The following ADAM12 variants were observed in gnomAD, a reference collection of about 807,000 sequenced individuals.
ADAM12 encodes ADAM metallopeptidase domain 12, also known as disintegrin and metalloproteinase domain-containing protein 12.
Under a neutral mutation model 106.4 loss-of-function variants are expected in ADAM12, and 70 were observed. The observed-to-expected ratio is 0.66, with a 90% CI of 0.54 to 0.80. ADAM12 has a LOEUF of 0.80. Among genes scored for constraint, ADAM12 ranks in the 30% least tolerant of loss-of-function variants. ADAM12 has a pLI of 0.00. For missense variants in ADAM12, 1,010 were observed against 1,171.9 expected (o/e 0.86, Z 2.02); for synonymous variants, 420 against 433.5 (o/e 0.97, Z 0.39).
intron 1 of ADAM12, among the ~76,000 whole-genome samples, chr10:126,368,050 T>G (rs1346438979): frequency 6.6e-6 from 1 of 151,930 alleles, no homozygotes; most frequent in Non-Finnish European, 1.5e-5. Flanking sequence ...TGTCTCTATA[T>G]GTACATAAAT....
chr10:126,012,996 G>A lies in ADAM12; in HGVS notation c.*4283C>T, dbSNP rs1319521534. On this transcript the variant is annotated 3_prime_UTR_variant, in exon 23 of 23. Transcript: ENST00000448723. Reference sequence around the variant, plus strand: ...AGAGAAACTGCTTTTTGAAGATGATGTGGAAGGTCAGGGTGGGTTACAGGG... The same window carrying A: ...AGAGAAACTGCTTTTTGAAGATGATATGGAAGGTCAGGGTGGGTTACAGGG... The A allele has an allele frequency of 1.3e-5, 2 of 152,220 alleles. No homozygotes were observed. Among genetic ancestry groups the A allele is most frequent in the East Asian group, 3.8e-4 (2 of 5,198 alleles). 9.4% of individuals were successfully genotyped at this position (152,220 alleles called of 1,614,324 possible). A position where few individuals can be genotyped will look rare whatever the true frequency, so the allele number is the denominator to read the frequency against.
chr10:126,163,576 C>T (rs1956974183), intron 3 of ADAM12, among the ~76,000 whole-genome samples: 1 of 146,744 alleles, frequency 6.8e-6, no homozygotes, highest in Non-Finnish European at 1.5e-5. Context: ...CCAACTTTAA[C>T]TTTACCCTTA....
chr10:126,283,730 T>C (rs928160535), intron 2 of ADAM12, among the ~76,000 whole-genome samples: 3 of 152,242 alleles, frequency 2.0e-5, no homozygotes, highest in Non-Finnish European at 2.9e-5. Context: ...CTCTGTTTAA[T>C]GTGTGACAAA....
At position 126,014,592 on chromosome 10, in the gene ADAM12, C is replaced by T. The variant is rs1406768732; in HGVS notation, c.*2687G>A. ...AATGGAGAATGTTAGGCTTCGTTTC[C>T]CTCGGTTGCTACACATCTGATTACA... On this transcript the variant is annotated 3_prime_UTR_variant, in exon 23 of 23. Transcript: ENST00000448723. The T allele has an allele frequency of 6.6e-6, 1 of 151,976 alleles. No individual in the cohort carries two copies. Among genetic ancestry groups the T allele is most frequent in the African/African-American group, 2.4e-5 (1 of 41,354 alleles). The allele number at this position is 151,976 out of a possible 1,614,324, so 9.4% of individuals were successfully genotyped here.
chr10:126,317,574 C>T (rs540209289), intron 2 of ADAM12, among the ~76,000 whole-genome samples: 1 of 152,044 alleles, frequency 6.6e-6, no homozygotes, highest in Admixed American at 6.6e-5. Context: ...AATACCAGAG[C>T]TAGGTCAAAT....
At chr10:126,275,866 TAATAC>T (rs1438420507) in intron 3 of ADAM12, among the ~76,000 whole-genome samples, 3 of 152,160 alleles carry the variant, frequency 2.0e-5, no homozygotes, top group African/African-American at 4.8e-5. Context: ...TGCGAAACAT[TAATAC>T]AATAAAGAAA....
At chr10:126,110,959 A>G (rs1277977677) in intron 6 of ADAM12, among the ~76,000 whole-genome samples, 3 of 152,220 alleles carry the variant, frequency 2.0e-5, no homozygotes, top group African/African-American at 7.2e-5. Flanking sequence ...CTTGCATGTT[A>G]TAACCACTCT....
At chr10:126,344,788 G>A (rs1288128638) in intron 1 of ADAM12, among the ~76,000 whole-genome samples, 1 of 152,066 alleles carries the variant, frequency 6.6e-6, no homozygotes, top group African/African-American at 2.4e-5. Flanking sequence ...TGAAGCAATT[G>A]TGAATGGGAG....
At chr10:126,279,266 TA>T (rs1028856574) in intron 2 of ADAM12, among the ~76,000 whole-genome samples, 3 of 142,622 alleles carry the variant, frequency 2.1e-5, no homozygotes, top group Non-Finnish European at 3.0e-5. Flanking sequence ...AAAGTAAAAA[TA>T]AAAAAAATCA....
intron 9 of ADAM12, among the ~76,000 whole-genome samples, chr10:126,099,805 A>G (rs1955625906): frequency 6.6e-6 from 1 of 152,214 alleles, no homozygotes; most frequent in African/African-American, 2.4e-5. Context: ...ACTTTCCACA[A>G]ATGTTCAATA....
chr10:126,185,910 T>C (rs187300655), intron 3 of ADAM12, among the ~76,000 whole-genome samples: 1 of 152,304 alleles, frequency 6.6e-6, no homozygotes, highest in African/African-American at 2.4e-5. Flanking sequence ...GCCAGGGAAA[T>C]GAACTAGATG....
rs67514376 is a variant in ADAM12, at chr10:126,311,094, T to TACACACACACAC, written c.186+19306_186+19317dup. 6.8e-3 allele frequency among the ~76,000 whole-genome samples: 939 copies of TACACACACACAC among 138,534 alleles called. 6 individuals carry two copies. The highest frequency in any genetic ancestry group is 0.011 in the Non-Finnish European group (692 of 63,990). The allele number at this position is 138,534 out of a possible 152,430, so 90.9% of individuals were successfully genotyped here. ...CTTCCTCATTATACATACACACAAATACACACACACACACACACACACACA... is the reference window on the plus strand; with the variant it reads ...CTTCCTCATTATACATACACACAAATACACACACACACACACACACACACACACACACACACA... On this transcript the variant is annotated intron_variant, in intron 2 of 22. Coordinates refer to ENST00000448723, the MANE Select transcript of ADAM12 (RefSeq NM_001288973.2).
intron 3 of ADAM12, among the ~76,000 whole-genome samples, chr10:126,170,554 C>A (rs1197463967): frequency 6.6e-6 from 1 of 152,078 alleles, no homozygotes; most frequent in Non-Finnish European, 1.5e-5. Flanking sequence ...ATCCCCTAGG[C>A]TGAGTCAGGA....
At chr10:126,093,860 T>A in intron 11 of ADAM12, 125 bp downstream of exon 11, 2 of 1,439,718 alleles carry the variant, frequency 1.4e-6, no homozygotes, top group Non-Finnish European at 1.9e-6. Flanking sequence ...TGGGAAGGAA[T>A]TACTTTTTGG....
intron 1 of ADAM12, among the ~76,000 whole-genome samples, chr10:126,382,430 C>A (rs1163796343): frequency 6.6e-6 from 1 of 152,206 alleles, no homozygotes; most frequent in African/African-American, 2.4e-5. Flanking sequence ...TTAAACAATA[C>A]AAGCATACTT....
intron 1 of ADAM12, among the ~76,000 whole-genome samples, chr10:126,364,758 T>G (rs1351040503): frequency 6.6e-6 from 1 of 152,004 alleles, no homozygotes; most frequent in East Asian, 1.9e-4. Context: ...AAATCAAAAA[T>G]TATTGATAAA....
intron 3 of ADAM12, among the ~76,000 whole-genome samples, chr10:126,233,325 G>A (rs1012944233): frequency 3.3e-5 from 5 of 152,132 alleles, no homozygotes; most frequent in African/African-American, 9.7e-5. Flanking sequence ...GGTAAGGAGA[G>A]TGTTAAAGAA....
intron 4 of ADAM12, among the ~76,000 whole-genome samples, chr10:126,146,718 A>G (rs1405344645): frequency 1.3e-5 from 2 of 152,088 alleles, no homozygotes; most frequent in Non-Finnish European, 1.5e-5. Flanking sequence ...TGGCCTGCCC[A>G]TTGCTCCTTT....
chr10:126,046,933 G>A (rs1954341383), intron 16 of ADAM12, among the ~76,000 whole-genome samples: 1 of 151,118 alleles, frequency 6.6e-6, no homozygotes, highest in Non-Finnish European at 1.5e-5. Context: ...GGGAGAGGTT[G>A]AAATATGGGA....
Sources: gnomAD v4.1 joint callset for allele counts (sites outside exome capture counted in the v4.1 genomes callset) on GRCh38, gnomAD v4.1.1 for gene constraint, MANE v1.5 for transcripts, NCBI Gene and HGNC (gene_info 2026-07-23, HGNC 2026-07-21) for gene names.